CHRM3: variants seen among roughly 807,000 people sequenced by gnomAD.
CHRM3 encodes the protein muscarinic acetylcholine receptor M3.
A neutral mutation model predicts 41.8 loss-of-function variants in CHRM3; 11 were observed. That is an observed-to-expected ratio of 0.26 (90% CI 0.17 to 0.44). The LOEUF (loss-of-function observed/expected upper bound fraction) is 0.44, where lower values mean the gene tolerates loss of function less well. Among genes scored for constraint, CHRM3 ranks in the 20% least tolerant of loss-of-function variants. The probability of loss-of-function intolerance (pLI) is 1.00; values close to 1 mark genes in which losing one functional copy is unlikely to be tolerated. For missense variants in CHRM3, 571 were observed against 745.4 expected (o/e 0.77, Z 2.72); for synonymous variants, 297 against 301.4 (o/e 0.99, Z 0.15).
At chr1:239,672,355 T>A (rs1162680561) in intron 4 of CHRM3, among the ~76,000 whole-genome samples, 1 of 152,006 alleles carries the variant, frequency 6.6e-6, no homozygotes, top group Non-Finnish European at 1.5e-5. Flanking sequence ...AGAAAAGGCC[T>A]CCTTGTCAGC....
intron 3 of CHRM3, among the ~76,000 whole-genome samples, chr1:239,567,950 T>G (rs1661501733): frequency 2.0e-5 from 3 of 152,250 alleles, no homozygotes; most frequent in Non-Finnish European, 4.4e-5. Flanking sequence ...GGTCTGCACT[T>G]TGTCCCATTT....
intron 1 of CHRM3, among the ~76,000 whole-genome samples, chr1:239,394,739 G>T (rs566269095): frequency 2.0e-5 from 3 of 152,118 alleles, no homozygotes; most frequent in Non-Finnish European, 4.4e-5. Flanking sequence ...AATTCTCATT[G>T]TACTTATTTG....
rs148217910 is a variant in CHRM3 at position 239,434,816 on chromosome 1, G to T, written c.-521+47589G>T. Among the ~76,000 whole-genome samples the T allele has an allele frequency of 2.2e-3, 332 of 152,218 alleles. 3 individuals are homozygous for T. The highest frequency in any genetic ancestry group is 7.7e-3 in the African/African-American group (320 of 41,528). ...AGAAGAAAAGAAAATAGGAGGGAGG[G>T]ATTGAGATGAAAATGTGGAATTGTA... On this transcript the variant is annotated intron_variant, in intron 1 of 6. Coordinates refer to ENST00000676153, the MANE Select transcript of CHRM3 (RefSeq NM_001375978.1).
At chr1:239,731,128 C>G (rs1663927324) in intron 5 of CHRM3, among the ~76,000 whole-genome samples, 1 of 151,982 alleles carries the variant, frequency 6.6e-6, no homozygotes, top group African/African-American at 2.4e-5. Flanking sequence ...GGTGTTGATA[C>G]ATTTACTGTA....
intron 1 of CHRM3, among the ~76,000 whole-genome samples, chr1:239,396,826 A>C (rs1007356236): frequency 3.3e-5 from 5 of 152,178 alleles, no homozygotes; most frequent in African/African-American, 1.2e-4. Context: ...TCTATACAAA[A>C]CTGGGATAAT....
chr1:239,730,429 G>A (rs1291725655), intron 5 of CHRM3: 1 of 151,968 alleles, frequency 6.6e-6, no homozygotes, highest in African/African-American at 2.4e-5. Context: ...GAGGTCTGTA[G>A]CAGGCTATGG....
intron 1 of CHRM3, among the ~76,000 whole-genome samples, chr1:239,394,975 C>T (rs768660382): frequency 6.6e-6 from 1 of 152,168 alleles, no homozygotes; most frequent in Non-Finnish European, 1.5e-5. Context: ...CTCTCATCCA[C>T]CTTCATGAGG....
intron 1 of CHRM3, among the ~76,000 whole-genome samples, chr1:239,438,775 G>C (rs2103233624): frequency 6.6e-6 from 1 of 152,204 alleles, no homozygotes; most frequent in Middle Eastern, 3.4e-3. Context: ...CTAAAAAGAA[G>C]GTAATTCTTT....
At chr1:239,793,822 T>TTTTTTC (rs1669540646) in intron 5 of CHRM3, among the ~76,000 whole-genome samples, 3 of 142,584 alleles carry the variant, frequency 2.1e-5, no homozygotes, top group Non-Finnish European at 3.0e-5. Context: ...TTTTTTTTTT[T>TTTTTTC]TTTTTTGGTG....
intron 5 of CHRM3, among the ~76,000 whole-genome samples, chr1:239,801,142 G>A (rs186860651): frequency 2.6e-4 from 40 of 152,288 alleles, no homozygotes; most frequent in Admixed American, 1.0e-3. Context: ...GGCATGGTGC[G>A]AAATGCACAC....
chr1:239,642,351 G>A (rs368156141), intron 4 of CHRM3, among the ~76,000 whole-genome samples: 20 of 151,652 alleles, frequency 1.3e-4, no homozygotes, highest in South Asian at 2.1e-4. Context: ...GATAATATCC[G>A]GCAGAGTGTT....
chr1:239,683,822 C>G (rs1223325618), intron 5 of CHRM3, among the ~76,000 whole-genome samples: 1 of 151,924 alleles, frequency 6.6e-6, no homozygotes, highest in East Asian at 1.9e-4. Flanking sequence ...AAATCTCTGA[C>G]TTTTCTTGGC....
At chr1:239,762,578 A>G (rs753895051) in intron 5 of CHRM3, among the ~76,000 whole-genome samples, 1 of 152,146 alleles carries the variant, frequency 6.6e-6, no homozygotes, top group Non-Finnish European at 1.5e-5. Context: ...ATCTGCCTAT[A>G]TTTGCTTTCA....
intron 6 of CHRM3, among the ~76,000 whole-genome samples, chr1:239,853,568 A>G (rs1419680139): frequency 1.3e-5 from 2 of 152,042 alleles, no homozygotes; most frequent in African/African-American, 4.8e-5. Flanking sequence ...GTAGAATTTA[A>G]CTGTTTTTGA....
chr1:239,513,622 T>C lies in CHRM3; in HGVS notation c.-422+20815T>C, dbSNP rs1427065185. The stretch of plus-strand genomic sequence containing the variant: ...AATATCTTCAACAAAGCAGAAGCTT[T>C]TAATTTTAATGAAGTTCAACTTGTC... On this transcript the variant is annotated intron_variant, in intron 2 of 6. Coordinates refer to ENST00000676153, the MANE Select transcript of CHRM3 (RefSeq NM_001375978.1). Among the ~76,000 whole-genome samples, 7 of 152,346 alleles carry C rather than the reference T, an allele frequency of 4.6e-5. No individual in the cohort carries two copies. The East Asian group carries it at 1.3e-3, about 29-fold the overall frequency.
At chr1:239,499,807 A>G (rs1234684278) in intron 2 of CHRM3, among the ~76,000 whole-genome samples, 5 of 152,194 alleles carry the variant, frequency 3.3e-5, no homozygotes, top group Admixed American at 3.3e-4. Context: ...CCTACAAGCT[A>G]GAAGGGATTG....
At chr1:239,579,670 A>G (rs1662686471) in intron 3 of CHRM3, among the ~76,000 whole-genome samples, 1 of 152,130 alleles carries the variant, frequency 6.6e-6, no homozygotes, top group Non-Finnish European at 1.5e-5. Flanking sequence ...TTTGCCTTCA[A>G]TAATTGTTGT....
intron 3 of CHRM3, among the ~76,000 whole-genome samples, chr1:239,588,818 T>C (rs1235597109): frequency 6.6e-6 from 1 of 152,184 alleles, no homozygotes; most frequent in Non-Finnish European, 1.5e-5. Flanking sequence ...TAGAAATACA[T>C]GTATATATTT....
rs1658610740 is a variant in CHRM3 at position 239,540,108 on chromosome 1, A to G, written c.-421-5533A>G. ...ATCTAGGTTTTTGTGAGTGCACTCTATGACGTTTGCACAACAAGGAAGTCA... is the reference window on the plus strand; with the variant it reads ...ATCTAGGTTTTTGTGAGTGCACTCTGTGACGTTTGCACAACAAGGAAGTCA... On this transcript the variant is annotated intron_variant, in intron 2 of 6. Coordinates refer to ENST00000676153, the MANE Select transcript of CHRM3 (RefSeq NM_001375978.1). 2.0e-5 allele frequency among the ~76,000 whole-genome samples: 3 copies of G among 152,176 alleles called. No individual in the cohort carries two copies. The South Asian group carries it at 6.2e-4, about 32-fold the overall frequency.
Sources: allele counts gnomAD v4.1 joint callset (sites outside exome capture counted in the v4.1 genomes callset), GRCh38; gene constraint gnomAD v4.1.1; transcripts MANE v1.5; gene names NCBI Gene and HGNC (gene_info 2026-07-23, HGNC 2026-07-21).